Variants in ACO2 observed in about 807,000 individuals in gnomAD.
ACO2 encodes aconitase 2, also known as aconitate hydratase, mitochondrial.
Under a neutral mutation model 84.5 loss-of-function variants are expected in ACO2, and 31 were observed. The ratio of observed to expected loss-of-function variants is 0.37; its 90% CI spans 0.28 to 0.50. The LOEUF (loss-of-function observed/expected upper bound fraction) is 0.50, where lower values mean the gene tolerates loss of function less well. Among genes scored for constraint, ACO2 ranks in the 20% least tolerant of loss-of-function variants. The pLI is 0.97. For missense variants in ACO2, 685 were observed against 1,029.3 expected (o/e 0.67, Z 4.58); for synonymous variants, 414 against 412.7 (o/e 1.00, Z -0.04).
chr22:41,493,209 G>C (rs1051802989), intron 1 of ACO2, among the ~76,000 whole-genome samples: 3 of 152,162 alleles, frequency 2.0e-5, no homozygotes, highest in Non-Finnish European at 4.4e-5. Context: ...GCCTCTTAAA[G>C]GCCCCACCTC....
intron 1 of ACO2, 166 bp downstream of exon 1, chr22:41,469,348 G>T: frequency 2.8e-6 from 2 of 723,120 alleles, no homozygotes; most frequent in South Asian, 4.3e-5. Context: ...GGTGCCCTAG[G>T]TCAAGGCGTC....
At chr22:41,487,222 A>C (rs1176623869) in intron 1 of ACO2, among the ~76,000 whole-genome samples, 1 of 152,136 alleles carries the variant, frequency 6.6e-6, no homozygotes, top group Non-Finnish European at 1.5e-5. Flanking sequence ...TTTCTTGCAC[A>C]TGCTGTTCTC....
chr22:41,528,851 CTG>C lies in ACO2; in HGVS notation c.*240_*241del, dbSNP rs1472908358. ...TCAGATCTTAAGCAGCTCCATGCAA[CTG>C]TATTTATTTTTGATGACAAGACTCC... is the stretch of plus-strand genomic sequence containing the variant. On this transcript the variant is annotated 3_prime_UTR_variant, in exon 18 of 18. Transcript: ENST00000216254. 3.6e-6 allele frequency: 2 copies of C among 557,806 alleles called. No individual in the cohort carries two copies. Among genetic ancestry groups the C allele is most frequent in the Admixed American group, 3.5e-5 (1 of 28,368 alleles). The allele number at this position is 557,806 out of a possible 1,614,324, so 34.6% of individuals were successfully genotyped here.
chr22:41,510,878 C>T lies in ACO2; in HGVS notation c.433-998C>T, dbSNP rs75408328. The stretch of plus-strand genomic sequence containing the variant: ...AACAGTGGTCCCTTCGACAGCCTTC[C>T]ATTTGGGCCCATCAAACACATTACC... On this transcript the variant is annotated intron_variant, in intron 3 of 17. Coordinates refer to ENST00000216254, the MANE Select transcript of ACO2 (RefSeq NM_001098.3). Among the ~76,000 whole-genome samples, 454 of 152,346 alleles carry T rather than the reference C, an allele frequency of 3.0e-3. 3 individuals carry two copies. The highest frequency in any genetic ancestry group is 0.01 in the African/African-American group (429 of 41,580).
chr22:41,528,722 G>A lies in ACO2; in HGVS notation c.*109G>A, dbSNP rs2066658614. On this transcript the variant is annotated 3_prime_UTR_variant, in exon 18 of 18. Transcript: ENST00000216254. ...TTCCTATTCCAAGATGGTGTGACCA[G>A]ACATGCTTCCTGCTCCCCGCTTAGC... The A allele has an allele frequency of 6.9e-7, 1 of 1,447,998 alleles. No homozygotes were observed. Among genetic ancestry groups the A allele is most frequent in the South Asian group, 1.3e-5 (1 of 74,202 alleles). 89.7% of individuals were successfully genotyped at this position (1,447,998 alleles called of 1,614,324 possible).
At chr22:41,481,618 G>A (rs1259165740) in intron 1 of ACO2, among the ~76,000 whole-genome samples, 1 of 152,260 alleles carries the variant, frequency 6.6e-6, no homozygotes, top group East Asian at 1.9e-4. Context: ...GGCCGAGTGG[G>A]GTTGTGGGGA....
chr22:41,492,868 T>C (rs2066282256), intron 1 of ACO2, among the ~76,000 whole-genome samples: 1 of 152,124 alleles, frequency 6.6e-6, no homozygotes, highest in African/African-American at 2.4e-5. Context: ...ATCTTGAACC[T>C]GGGAGGCGGA....
chr22:41,512,940 C>T (rs2066445493), intron 4 of ACO2, among the ~76,000 whole-genome samples: 1 of 152,206 alleles, frequency 6.6e-6, no homozygotes, highest in African/African-American at 2.4e-5. Flanking sequence ...CATCCCAGAC[C>T]TCACTGTCCT....
intron 7 of ACO2, 99 bp downstream of exon 7, chr22:41,517,730 AC>A: frequency 2.8e-6 from 3 of 1,088,074 alleles, no homozygotes; most frequent in Non-Finnish European, 4.2e-6. Flanking sequence ...GGGGTTCTTA[AC>A]CCATTGTCTC....
intron 1 of ACO2, among the ~76,000 whole-genome samples, chr22:41,487,296 C>T (rs143985202): frequency 1.1e-3 from 171 of 152,348 alleles, no homozygotes; most frequent in African/African-American, 3.9e-3. Flanking sequence ...GATCAAACAT[C>T]ACTTTCTTGG....
chr22:41,527,783 C>T (rs1033214847), intron 16 of ACO2, 118 bp from the exon 17 acceptor site: 42 of 1,518,988 alleles, frequency 2.8e-5, no homozygotes, highest in African/African-American at 1.8e-4. Context: ...AGTCACTGCC[C>T]GGGCATTGTC....
chr22:41,500,791 C>T (rs1054419283), intron 2 of ACO2, among the ~76,000 whole-genome samples: 1 of 151,978 alleles, frequency 6.6e-6, no homozygotes, highest in Non-Finnish European at 1.5e-5. Context: ...GCAACCTCCG[C>T]CCCCCAGGTT....
intron 1 of ACO2, among the ~76,000 whole-genome samples, chr22:41,487,833 T>C (rs1285420171): frequency 6.6e-6 from 1 of 152,186 alleles, no homozygotes; most frequent in Non-Finnish European, 1.5e-5. Context: ...ATGCCTGCTC[T>C]TCCCGTTGCC....
intron 17 of ACO2, 150 bp from the exon 18 acceptor site, chr22:41,528,329 C>T: frequency 8.5e-7 from 1 of 1,182,494 alleles, no homozygotes; most frequent in Non-Finnish European, 1.2e-6. Context: ...CTGGGTCTGA[C>T]CTGGGCCATC....
At position 41,515,065 on chromosome 22, in the gene ACO2, TG is replaced by T. The variant is rs1175235636; in HGVS notation, c.526-308del. Among the ~76,000 whole-genome samples, 1 of 152,188 alleles carries T rather than the reference TG, an allele frequency of 6.6e-6. No individual in the cohort carries two copies. The highest frequency in any genetic ancestry group is 2.4e-5 in the African/African-American group (1 of 41,438). ...AGTTTCTCTGGTTCTTGTCACATCC[TG>T]GGGTCATGGTGGTATGGGTGTTTGG... On this transcript the variant is annotated intron_variant, in intron 4 of 17. Coordinates refer to ENST00000216254, the MANE Select transcript of ACO2 (RefSeq NM_001098.3). This position sits in a 1 kb window ranked among gnomAD's most constrained non-coding sequence, Gnocchi z 5.8.
chr22:41,494,794 C>T (rs907207743), intron 1 of ACO2, among the ~76,000 whole-genome samples: 10 of 150,346 alleles, frequency 6.7e-5, no homozygotes, highest in African/African-American at 1.2e-4. Context: ...AGTGCAATGG[C>T]GGGATCTCGG....
intron 1 of ACO2, among the ~76,000 whole-genome samples, chr22:41,485,349 G>T (rs1279846207): frequency 6.6e-6 from 1 of 151,900 alleles, no homozygotes; most frequent in African/African-American, 2.4e-5. Flanking sequence ...TGCCCAGGCT[G>T]GAGTGCAATG....
chr22:41,492,906 T>C (rs1205523805), intron 1 of ACO2, among the ~76,000 whole-genome samples: 1 of 152,194 alleles, frequency 6.6e-6, no homozygotes, highest in Non-Finnish European at 1.5e-5. Flanking sequence ...ATAGCGCCAC[T>C]GTACTCCAAC....
rs1235333694 is a variant in ACO2 at position 41,499,851 on chromosome 22, T to G, written c.162T>G (p.Ile54Met). 6.2e-7 allele frequency: 1 copy of G among 1,613,888 alleles called. No individual in the cohort carries two copies. Among genetic ancestry groups the G allele is most frequent in the Non-Finnish European group, 8.5e-7 (1 of 1,179,920 alleles). The stretch of plus-strand genomic sequence containing the variant: ...ACCTGCTAGAGAAGAACATTAACAT[T>G]GTTCGCAAACGGTAAGGCTGCAGAT... ...HYDLLEKNIN[I>M]VRKRLNRPLT... The change falls in exon 2 of 18, where the codon ATT becomes ATG. Residue 54 changes from isoleucine to methionine, a missense_variant. Coordinates refer to ENST00000216254, the MANE Select transcript of ACO2 (RefSeq NM_001098.3).
Sources: allele counts gnomAD v4.1 joint callset (sites outside exome capture counted in the v4.1 genomes callset), GRCh38; gene constraint gnomAD v4.1.1; non-coding constraint Gnocchi (gnomAD v3.1); transcripts MANE v1.5; gene names NCBI Gene and HGNC (gene_info 2026-07-23, HGNC 2026-07-21).